The following SNTG2 variants were observed in gnomAD, a reference collection of about 807,000 sequenced individuals.
SNTG2 encodes the protein syntrophin gamma 2.
A neutral mutation model predicts 70.9 loss-of-function variants in SNTG2; 74 were observed. The observed-to-expected ratio is 1.04, with a 90% CI of 0.86 to 1.27. The LOEUF is 1.27. Among genes scored for constraint, SNTG2 ranks in the 50% most tolerant of loss-of-function variants. The pLI is 0.00. For missense variants in SNTG2, 717 were observed against 690.7 expected (o/e 1.04, Z -0.43); for synonymous variants, 278 against 273.8 (o/e 1.02, Z -0.15).
At chr2:1,142,221 T>C (rs901754538) in intron 6 of SNTG2, among the ~76,000 whole-genome samples, 16 of 152,350 alleles carry the variant, frequency 1.1e-4, no homozygotes, top group Admixed American at 1.0e-3. Context: ...GTATTCCCCA[T>C]CTATTTCAAA....
chr2:1,291,461 C>T (rs577774747), intron 14 of SNTG2, among the ~76,000 whole-genome samples: 5 of 152,080 alleles, frequency 3.3e-5, no homozygotes, highest in African/African-American at 1.2e-4. Context: ...TTTTTAATCA[C>T]AAGAATTTTA....
At chr2:1,070,444 G>A (rs781593237) in intron 1 of SNTG2, among the ~76,000 whole-genome samples, 7 of 152,136 alleles carry the variant, frequency 4.6e-5, no homozygotes, top group Non-Finnish European at 8.8e-5. Flanking sequence ...AGGGTTAAAT[G>A]GAATAATGCT....
intron 8 of SNTG2, among the ~76,000 whole-genome samples, chr2:1,190,001 A>T (rs1448579870): frequency 6.6e-6 from 1 of 152,208 alleles, no homozygotes; most frequent in Non-Finnish European, 1.5e-5. Context: ...AGAAAATCAG[A>T]ATAATTTTAT....
chr2:1,066,521 AC>A (rs1188698655), intron 1 of SNTG2, among the ~76,000 whole-genome samples: 2 of 151,750 alleles, frequency 1.3e-5, no homozygotes, highest in Non-Finnish European at 2.9e-5. Context: ...ACCGGCACAG[AC>A]CACCGGACAG....
intron 14 of SNTG2, among the ~76,000 whole-genome samples, chr2:1,270,385 G>A (rs182053980): frequency 6.6e-6 from 1 of 152,064 alleles, no homozygotes. Flanking sequence ...TAAGTCAAAC[G>A]CCTAATACTC....
intron 14 of SNTG2, among the ~76,000 whole-genome samples, chr2:1,276,490 G>T (rs1312153034): frequency 1.3e-5 from 2 of 152,288 alleles, no homozygotes; most frequent in African/African-American, 4.8e-5. Context: ...CACATCTGTT[G>T]ACAGCATGGT....
chr2:1,181,651 G>A (rs1276287603), intron 8 of SNTG2, among the ~76,000 whole-genome samples: 2 of 152,146 alleles, frequency 1.3e-5, no homozygotes, highest in Admixed American at 6.5e-5. Context: ...AATTACCTGA[G>A]CTACCTTATA....
At chr2:1,008,842 T>A (rs1487826367) in intron 1 of SNTG2, among the ~76,000 whole-genome samples, 1 of 152,230 alleles carries the variant, frequency 6.6e-6, no homozygotes, top group Non-Finnish European at 1.5e-5. Context: ...TTTCCCAGGT[T>A]TTGTGCTCAG....
intron 13 of SNTG2, among the ~76,000 whole-genome samples, chr2:1,266,283 A>G (rs1321686656): frequency 6.6e-6 from 1 of 151,958 alleles, no homozygotes; most frequent in Non-Finnish European, 1.5e-5. Context: ...GACAACTGGG[A>G]CCCCCAGTCT....
At chr2:1,034,270 C>CA (rs1180347579) in intron 1 of SNTG2, among the ~76,000 whole-genome samples, 1 of 152,118 alleles carries the variant, frequency 6.6e-6, no homozygotes, top group African/African-American at 2.4e-5. Flanking sequence ...CATATTCCTA[C>CA]AAAAAAACTT....
chr2:1,241,550 C>A (rs1198797326), intron 11 of SNTG2, among the ~76,000 whole-genome samples: 1 of 132,252 alleles, frequency 7.6e-6, no homozygotes. Context: ...TATACATGTA[C>A]CATGTGGTGC....
At chr2:1,021,633 T>G (rs1186037273) in intron 1 of SNTG2, among the ~76,000 whole-genome samples, 3 of 152,048 alleles carry the variant, frequency 2.0e-5, no homozygotes, top group Non-Finnish European at 4.4e-5. Flanking sequence ...GCCAGAGTCT[T>G]TCTGTGTCAT....
chr2:1,103,382 T>TA, intron 4 of SNTG2: 1 of 290,554 alleles, frequency 3.4e-6, no homozygotes, highest in Non-Finnish European at 6.9e-6. Flanking sequence ...TAAATTTCTT[T>TA]TTTTTTTTAT....
intron 6 of SNTG2, chr2:1,161,643 A>C (rs935079031): frequency 7.2e-5 from 11 of 152,368 alleles, no homozygotes; most frequent in Non-Finnish European, 8.8e-5. Context: ...TTCAAACTAA[A>C]TAAAAAATAA....
chr2:973,241 T>C (rs1418556694), intron 1 of SNTG2, among the ~76,000 whole-genome samples: 2 of 152,248 alleles, frequency 1.3e-5, no homozygotes, highest in Non-Finnish European at 2.9e-5. Context: ...TGCTGATCTG[T>C]TGCCAGTGAA....
At chr2:1,348,426 C>G (rs775540645) in intron 16 of SNTG2, among the ~76,000 whole-genome samples, 6 of 152,202 alleles carry the variant, frequency 3.9e-5, no homozygotes, top group African/African-American at 7.2e-5. Flanking sequence ...TCTCTAAAGC[C>G]TACTACCTTA....
intron 14 of SNTG2, among the ~76,000 whole-genome samples, chr2:1,296,919 A>T (rs954072571): frequency 1.3e-5 from 2 of 152,188 alleles, no homozygotes; most frequent in African/African-American, 2.4e-5. Context: ...CTTCAATTCC[A>T]GATACAGGAC....
intron 4 of SNTG2, among the ~76,000 whole-genome samples, chr2:1,117,794 C>T (rs1667132748): frequency 6.6e-6 from 1 of 152,222 alleles, no homozygotes; most frequent in Admixed American, 6.5e-5. Flanking sequence ...CGGGTCTTTG[C>T]TGCTGCTGCA....
chr2:1,048,341 G>A (rs1034395860), intron 1 of SNTG2, among the ~76,000 whole-genome samples: 14 of 152,078 alleles, frequency 9.2e-5, no homozygotes, highest in African/African-American at 3.4e-4. Context: ...CTCACACCCC[G>A]ACATCTGGTC....
Sources: gnomAD v4.1 joint callset for allele counts (sites outside exome capture counted in the v4.1 genomes callset) on GRCh38, gnomAD v4.1.1 for gene constraint, MANE v1.5 for transcripts, NCBI Gene and HGNC (gene_info 2026-07-23, HGNC 2026-07-21) for gene names.